Variants in S100Z observed in about 807,000 individuals in gnomAD.
S100Z encodes protein S100-Z.
Under a neutral mutation model 8.5 loss-of-function variants are expected in S100Z, and 11 were observed. The observed-to-expected ratio is 1.30, with a 90% CI of 0.82 to 2.15. S100Z has a LOEUF of 2.15. S100Z is among the 30% of genes most tolerant of loss of function. The pLI is 0.00. For synonymous variants in S100Z, 34 were observed against 43.8 expected, an observed-to-expected ratio of 0.78 and a Z score of 0.89; for missense variants, 126 against 117.9, an observed-to-expected ratio of 1.07 and a Z score of -0.32.
intron 4 of S100Z, among the ~76,000 whole-genome samples, chr5:76,919,601 T>G (rs1404628209): frequency 7.0e-6 from 1 of 142,646 alleles, no homozygotes; most frequent in African/African-American, 2.7e-5. Context: ...CCTCTCTTTC[T>G]TTTTCTCTTC....
In S100Z at chr5:76,893,159, A is replaced by G. The variant is rs140897274; in HGVS notation, c.*2+15325A>G. Among the ~76,000 whole-genome samples the G allele has an allele frequency of 2.0e-5, 3 of 152,252 alleles. No homozygotes were observed. The East Asian group carries it at 5.8e-4, about 29-fold the overall frequency. ...CCTTTCACAATGGAAAGTGTCTACTATATAATATTAACTTTAAACAACAGA... is the reference window on the plus strand; with the variant it reads ...CCTTTCACAATGGAAAGTGTCTACTGTATAATATTAACTTTAAACAACAGA... On this transcript the variant is annotated intron_variant, in intron 4 of 4. Transcript: ENST00000317593.
chr5:76,943,026 A>G, the S100Z span, among the ~76,000 whole-genome samples: 2 of 152,120 alleles, frequency 1.3e-5, no homozygotes, highest in Admixed American at 1.3e-4. Context: ...TTTTATTATT[A>G]TACTTTAAGT....
chr5:76,917,547 G>T (rs1439785917), intron 4 of S100Z, among the ~76,000 whole-genome samples: 1 of 152,122 alleles, frequency 6.6e-6, no homozygotes, highest in East Asian at 1.9e-4. Flanking sequence ...TCAGAAATTG[G>T]CCTGGCACAG....
intron 1 of S100Z, among the ~76,000 whole-genome samples, chr5:76,856,085 G>C (rs931183307): frequency 1.3e-5 from 2 of 152,116 alleles, no homozygotes; most frequent in Admixed American, 6.6e-5. Context: ...AGATGTGTCT[G>C]TTTCCCCTTT....
At chr5:76,885,402 G>A (rs1340115761) in intron 4 of S100Z, among the ~76,000 whole-genome samples, 1 of 149,068 alleles carries the variant, frequency 6.7e-6, no homozygotes, top group Non-Finnish European at 1.5e-5. Context: ...GAGGTGGGAG[G>A]TGCTTGCCCC....
chr5:76,908,776 C>A (rs904102399), intron 4 of S100Z, among the ~76,000 whole-genome samples: 5 of 152,096 alleles, frequency 3.3e-5, no homozygotes, highest in Middle Eastern at 3.2e-3. Flanking sequence ...AGGGTATGGC[C>A]CTTCACTTCA....
Position 76,890,931 on chromosome 5 carries a change from C to T in S100Z, c.*2+13097C>T, listed in dbSNP as rs575386087. Among the ~76,000 whole-genome samples, 20 of 152,310 alleles carry T rather than the reference C, an allele frequency of 1.3e-4. 1 individual carries two copies. The highest frequency in any genetic ancestry group is 6.2e-4 in the South Asian group (3 of 4,826). On this transcript the variant is annotated intron_variant, in intron 4 of 4. Coordinates refer to ENST00000317593, the MANE Select transcript of S100Z (RefSeq NM_130772.4). ...AGGCTGGAGTGCAATGGCACAGTCT[C>T]GGCTCACTGCAACCTTCGCCTCTGG...
intron 1 of S100Z, among the ~76,000 whole-genome samples, chr5:76,854,471 C>T (rs1225982541): frequency 6.6e-6 from 1 of 152,186 alleles, no homozygotes; most frequent in East Asian, 1.9e-4. Flanking sequence ...AGGCATTGTA[C>T]CCCTGCCCTA....
chr5:76,865,989 T>G (rs529892591), intron 1 of S100Z, among the ~76,000 whole-genome samples: 1 of 149,478 alleles, frequency 6.7e-6, no homozygotes, highest in Non-Finnish European at 1.5e-5. Context: ...CACTCCAGCC[T>G]GGGCGACAGA....
intron 1 of S100Z, among the ~76,000 whole-genome samples, chr5:76,863,707 T>G (rs371098959): frequency 6.6e-6 from 1 of 151,514 alleles, no homozygotes; most frequent in South Asian, 2.1e-4. Context: ...CCCAGCTAAT[T>G]TTTTGTATTT....
At chr5:76,929,453 G>A in the S100Z span, among the ~76,000 whole-genome samples, 3 of 152,168 alleles carry the variant, frequency 2.0e-5, no homozygotes, top group African/African-American at 7.2e-5. Context: ...CCTGATACAT[G>A]CAGTAAAAGG....
intron 1 of S100Z, among the ~76,000 whole-genome samples, chr5:76,864,800 C>T (rs1432542276): frequency 2.0e-5 from 3 of 152,120 alleles, no homozygotes; most frequent in Non-Finnish European, 4.4e-5. Context: ...CCTCTGCCTC[C>T]CGGGTTCAAG....
chr5:76,861,259 T>C (rs1751047271), intron 1 of S100Z, among the ~76,000 whole-genome samples: 1 of 152,116 alleles, frequency 6.6e-6, no homozygotes. Flanking sequence ...GATCTCTCCG[T>C]AGGACTTCTT....
chr5:76,877,872 A>G, intron 4 of S100Z, 38 bp downstream of exon 4: 1 of 1,415,012 alleles, frequency 7.1e-7, no homozygotes, highest in South Asian at 1.2e-5. Context: ...AAATATATCC[A>G]AAGTTATGTA....
the S100Z span, among the ~76,000 whole-genome samples, chr5:76,930,345 C>T: frequency 1.3e-5 from 2 of 152,198 alleles, no homozygotes; most frequent in African/African-American, 4.8e-5. Flanking sequence ...GATGATTGCA[C>T]ATCCAAATTG....
At chr5:76,939,452 T>C in the S100Z span, among the ~76,000 whole-genome samples, 1 of 151,204 alleles carries the variant, frequency 6.6e-6, no homozygotes, top group Non-Finnish European at 1.5e-5. Flanking sequence ...GCGCCTGGCC[T>C]GGGGCTGCAA....
intron 4 of S100Z, among the ~76,000 whole-genome samples, chr5:76,903,874 G>A (rs544650112): frequency 6.6e-6 from 1 of 151,556 alleles, no homozygotes; most frequent in African/African-American, 2.4e-5. Context: ...ACAGGCGCCC[G>A]CCACCACGCC....
chr5:76,863,550 AT>A (rs543107661), intron 1 of S100Z, among the ~76,000 whole-genome samples: 4 of 151,892 alleles, frequency 2.6e-5, no homozygotes, highest in Non-Finnish European at 5.9e-5. Flanking sequence ...TATTTTATTT[AT>A]TTTTTGAGGC....
Position 76,875,466 on chromosome 5 carries a change from T to A in S100Z, c.107T>A (p.Leu36Gln). ...RFKLSKGELK[L>Q]LLQRELTEFL... The stretch of plus-strand genomic sequence containing the variant: ...AAGCTCAGCAAGGGGGAACTGAAAC[T>A]GCTCCTGCAGCGAGAGCTCACGGAA... The change falls in exon 3 of 5, where the codon CTG (leucine) becomes CAG (glutamine). Residue 36 changes from leucine to glutamine, a missense_variant. Physicochemically the swap from Leu to Gln is moderately radical, Grantham distance 113. Coordinates refer to ENST00000317593, the MANE Select transcript of S100Z (RefSeq NM_130772.4). 6.2e-7 allele frequency: 1 copy of A among 1,611,206 alleles called. No homozygotes were observed. Among genetic ancestry groups the A allele is most frequent in the Non-Finnish European group, 8.5e-7 (1 of 1,178,786 alleles).
Sources: allele counts gnomAD v4.1 joint callset (sites outside exome capture counted in the v4.1 genomes callset), GRCh38; gene constraint gnomAD v4.1.1; transcripts MANE v1.5; gene names NCBI Gene and HGNC (gene_info 2026-07-23, HGNC 2026-07-21).